Variants in ANKS1B observed in about 807,000 individuals in gnomAD.
ANKS1B encodes ankyrin repeat and sterile alpha motif domain containing 1B.
In ANKS1B, 36 loss-of-function variants were observed where a neutral mutation model predicts 148.3. The ratio of observed to expected loss-of-function variants is 0.24; its 90% CI spans 0.19 to 0.32. The LOEUF is 0.32. ANKS1B is among the 10% of genes least tolerant of loss of function. ANKS1B has a pLI of 1.00. For synonymous variants in ANKS1B, 542 were observed against 560.8 expected (o/e 0.97, Z 0.47); for missense variants, 1,157 against 1,542.6 (o/e 0.75, Z 4.19).
intron 17 of ANKS1B, among the ~76,000 whole-genome samples, chr12:98,918,188 C>CA (rs1298205908): frequency 1.3e-5 from 2 of 152,222 alleles, no homozygotes; most frequent in African/African-American, 4.8e-5. Context: ...CATGGCCCCT[C>CA]AGGCCCTTCA....
chr12:98,945,505 CAAAAAAAA>C (rs3051086), intron 17 of ANKS1B, among the ~76,000 whole-genome samples: 10 of 30,298 alleles, frequency 3.3e-4, no homozygotes, highest in Admixed American at 1.1e-3. Flanking sequence ...AACAAACAAA[CAAAAAAAA>C]AAAAAAAAAA....
In ANKS1B at chr12:99,524,625, G is replaced by A. The variant is rs542433545; in HGVS notation, c.1273-19984C>T. On this transcript the variant is annotated intron_variant, in intron 9 of 26. Coordinates refer to ENST00000683438, the MANE Select transcript of ANKS1B (RefSeq NM_001352186.2). ...ATGCCGCTCATAAAGACATACCCAAGACTGGGTAATTTATAAAGAAAAAGA... is the reference window on the plus strand; with the variant it reads ...ATGCCGCTCATAAAGACATACCCAAAACTGGGTAATTTATAAAGAAAAAGA... Among the ~76,000 whole-genome samples, 4 of 152,258 alleles carry A rather than the reference G, an allele frequency of 2.6e-5. No homozygotes were observed. In the East Asian group the frequency reaches 5.8e-4, roughly 22 times the overall value.
chr12:99,000,966 G>A (rs183196195), intron 17 of ANKS1B, among the ~76,000 whole-genome samples: 3 of 151,756 alleles, frequency 2.0e-5, no homozygotes, highest in Admixed American at 6.6e-5. Flanking sequence ...GTAATATTCC[G>A]CTGTGTGTGT....
intron 20 of ANKS1B, among the ~76,000 whole-genome samples, chr12:98,802,283 T>C (rs1201832174): frequency 6.6e-6 from 1 of 152,206 alleles, no homozygotes; most frequent in African/African-American, 2.4e-5. Flanking sequence ...GAAAGTGTGT[T>C]GACACACTGT....
At chr12:98,768,946 A>T (rs2153464687) in intron 25 of ANKS1B, among the ~76,000 whole-genome samples, 1 of 152,034 alleles carries the variant, frequency 6.6e-6, no homozygotes, top group Middle Eastern at 3.4e-3. Context: ...TGAACTTCAA[A>T]TCTAACTGTC....
chr12:99,527,976 T>C (rs2096943819), intron 9 of ANKS1B, among the ~76,000 whole-genome samples: 1 of 151,304 alleles, frequency 6.6e-6, no homozygotes, highest in African/African-American at 2.4e-5. Context: ...AGCTATATAC[T>C]ACAAGGCTAC....
chr12:99,556,314 T>C (rs1408780386), intron 9 of ANKS1B, among the ~76,000 whole-genome samples: 1 of 152,120 alleles, frequency 6.6e-6, no homozygotes, highest in African/African-American at 2.4e-5. Context: ...TATTTGGATC[T>C]TCTCTCTTTT....
chr12:99,060,730 C>T (rs2042186072), intron 16 of ANKS1B, among the ~76,000 whole-genome samples: 1 of 149,506 alleles, frequency 6.7e-6, no homozygotes, highest in African/African-American at 2.5e-5. Flanking sequence ...GCCTGTCATT[C>T]CATCATTCTT....
In ANKS1B at chr12:99,160,949, C is replaced by T. The variant is rs190906583; in HGVS notation, c.2420-6554G>A. Among the ~76,000 whole-genome samples, 200 of 152,150 alleles carry T rather than the reference C, an allele frequency of 1.3e-3. 2 individuals are homozygous for T. Among genetic ancestry groups the T allele is most frequent in the African/African-American group, 4.7e-3 (194 of 41,518 alleles). On this transcript the variant is annotated intron_variant, in intron 14 of 26. Transcript: ENST00000683438. ...TATTTTGTTTATTGTAGCCTTATAG[C>T]ATAGTTTGAAGTCAGGGAATGCGAT... is the stretch of plus-strand genomic sequence containing the variant.
At chr12:99,941,061 T>C (rs1603474398) in intron 1 of ANKS1B, among the ~76,000 whole-genome samples, 1 of 152,138 alleles carries the variant, frequency 6.6e-6, no homozygotes, top group African/African-American at 2.4e-5. Flanking sequence ...AATGGTCTCC[T>C]TAGTACCTAG....
At chr12:99,115,731 G>C (rs1012487602) in intron 15 of ANKS1B, among the ~76,000 whole-genome samples, 2 of 152,118 alleles carry the variant, frequency 1.3e-5, no homozygotes, top group Admixed American at 6.5e-5. Context: ...AGGAGTTTGA[G>C]ACCAGCCTGA....
At position 99,168,733 on chromosome 12, in the gene ANKS1B, G is replaced by A. The variant is rs2077448572; in HGVS notation, c.2420-14338C>T. ...GGGAACAGTAAATTTGAGGACCAATGACCTGCTCTATATTGTAATGCCATG... is the reference window on the plus strand; with the variant it reads ...GGGAACAGTAAATTTGAGGACCAATAACCTGCTCTATATTGTAATGCCATG... On this transcript the variant is annotated intron_variant, in intron 14 of 26. Coordinates refer to ENST00000683438, the MANE Select transcript of ANKS1B (RefSeq NM_001352186.2). 3.3e-5 allele frequency among the ~76,000 whole-genome samples: 5 copies of A among 152,194 alleles called. No individual in the cohort carries two copies. In the South Asian group the frequency reaches 1.0e-3, roughly 32 times the overall value.
At position 99,567,491 on chromosome 12, in the gene ANKS1B, A is replaced by AT. The variant is rs143376735; in HGVS notation, c.1273-62851dup. On this transcript the variant is annotated intron_variant, in intron 9 of 26. Transcript: ENST00000683438. The stretch of plus-strand genomic sequence containing the variant: ...AAACACATACCTAATTATAGATAAT[A>AT]TTTTTTTCTAAAATACATCCATATG... Among the ~76,000 whole-genome samples, 737 of 152,164 alleles carry AT rather than the reference A, an allele frequency of 4.8e-3. 31 individuals carry two copies. The South Asian group carries it at 0.065, about 13-fold the overall frequency.
rs549634122 is a variant in ANKS1B at position 99,984,449 on chromosome 12, T to G, written c.-212A>C. 1.1e-5 allele frequency: 5 copies of G among 453,558 alleles called. No individual in the cohort carries two copies. The East Asian group carries it at 1.3e-4, about 12-fold the overall frequency. The allele number at this position is 453,558 out of a possible 1,614,324, so 28.1% of individuals were successfully genotyped here. On this transcript the variant is annotated 5_prime_UTR_variant, in exon 1 of 27. Coordinates refer to ENST00000683438, the MANE Select transcript of ANKS1B (RefSeq NM_001352186.2). Reference sequence around the variant, plus strand: ...TTTACAATGGGGATCAGACCATGTCTTGAAAGAGGGGCTGGCCGAGCTGGG... The same window carrying G: ...TTTACAATGGGGATCAGACCATGTCGTGAAAGAGGGGCTGGCCGAGCTGGG...
intron 1 of ANKS1B, among the ~76,000 whole-genome samples, chr12:99,938,900 C>T (rs557178367): frequency 1.3e-4 from 20 of 152,252 alleles, no homozygotes; most frequent in Non-Finnish European, 2.6e-4. Flanking sequence ...GCCCCGCAGA[C>T]GCTGGTAGAG....
chr12:99,712,242 G>A (rs1006959965), intron 8 of ANKS1B, among the ~76,000 whole-genome samples: 4 of 152,090 alleles, frequency 2.6e-5, no homozygotes, highest in African/African-American at 9.7e-5. Context: ...AAGACCTTGG[G>A]GATGCAGACA....
intron 14 of ANKS1B, chr12:99,154,985 TC>T: frequency 1.3e-6 from 2 of 1,535,392 alleles, no homozygotes; most frequent in East Asian, 2.4e-5. Context: ...CAAGCGTCAA[TC>T]TTGAATGATG....
intron 12 of ANKS1B, among the ~76,000 whole-genome samples, chr12:99,351,507 T>C (rs1212943774): frequency 6.6e-6 from 1 of 152,022 alleles, no homozygotes; most frequent in Non-Finnish European, 1.5e-5. Context: ...CATTTTAAAA[T>C]AAGACAGACC....
At chr12:99,840,254 T>C (rs2085501529) in intron 1 of ANKS1B, among the ~76,000 whole-genome samples, 1 of 152,060 alleles carries the variant, frequency 6.6e-6, no homozygotes, top group African/African-American at 2.4e-5. Context: ...GAAATGGGCT[T>C]AATGCTGAGG....
Sources: gnomAD v4.1 joint callset for allele counts (sites outside exome capture counted in the v4.1 genomes callset) on GRCh38, gnomAD v4.1.1 for gene constraint, MANE v1.5 for transcripts, NCBI Gene and HGNC (gene_info 2026-07-23, HGNC 2026-07-21) for gene names.